Variants in KRR1 observed in about 807,000 individuals in gnomAD.
KRR1 encodes KRR1 small subunit processome component.
KRR1 carries 23 observed loss-of-function variants against 50.0 expected under a neutral mutation model. The observed-to-expected ratio is 0.46, with a 90% CI of 0.33 to 0.65. The LOEUF (loss-of-function observed/expected upper bound fraction) is 0.65. Among genes scored for constraint, KRR1 ranks in the 30% least tolerant of loss-of-function variants. The probability of loss-of-function intolerance (pLI) is 0.02; values close to 1 mark genes in which losing one functional copy is unlikely to be tolerated. For synonymous variants in KRR1, 133 were observed against 146.3 expected (o/e 0.91, Z 0.66); for missense variants, 419 against 442.4 (o/e 0.95, Z 0.47).
At position 75,499,956 on chromosome 12, in the gene KRR1, A is replaced by T; in HGVS notation, c.1004-5T>A. The T allele has an allele frequency of 6.3e-7, 1 of 1,589,174 alleles. No homozygotes were observed. Among genetic ancestry groups the T allele is most frequent in the Non-Finnish European group, 8.5e-7 (1 of 1,172,582 alleles). ...CAATTTTAGTTTCAGTAGAAGCTAGACAAATTAAAAGCACAACACATGTAA... is the reference window on the plus strand; with the variant it reads ...CAATTTTAGTTTCAGTAGAAGCTAGTCAAATTAAAAGCACAACACATGTAA... On this transcript the variant is annotated splice_region_variant and splice_polypyrimidine_tract_variant and intron_variant, in intron 9 of 9. Coordinates refer to ENST00000229214, the MANE Select transcript of KRR1 (RefSeq NM_007043.7).
At position 75,511,499 on chromosome 12, in the gene KRR1, C is replaced by T. The variant is rs2046448918; in HGVS notation, c.85+14G>A. ...GTACACAAACCCCAGGCTTCGGTTCCCACATAACATCACCTTGGTTCTCCG... is the reference window on the plus strand; with the variant it reads ...GTACACAAACCCCAGGCTTCGGTTCTCACATAACATCACCTTGGTTCTCCG... On this transcript the variant is annotated intron_variant, in intron 1 of 9. Transcript: ENST00000229214. 2.5e-6 allele frequency: 4 copies of T among 1,608,290 alleles called. No individual in the cohort carries two copies. Among genetic ancestry groups the T allele is most frequent in the Non-Finnish European group, 3.4e-6 (4 of 1,178,240 alleles).
chr12:75,504,151 G>A, intron 6 of KRR1, 77 bp from the exon 7 acceptor site: 4 of 995,922 alleles, frequency 4.0e-6, no homozygotes, highest in Non-Finnish European at 5.8e-6. Context: ...TATAAATATT[G>A]CTTCTATAAA....
At position 75,493,750 on chromosome 12, in the gene KRR1, A is replaced by T. The variant is rs2046335674; in HGVS notation, c.*6059T>A. The T allele has an allele frequency of 2.0e-5, 3 of 152,204 alleles. No homozygotes were observed. Among genetic ancestry groups the T allele is most frequent in the Admixed American group, 2.0e-4 (3 of 15,280 alleles). 9.4% of individuals were successfully genotyped at this position (152,204 alleles called of 1,614,324 possible). On this transcript the variant is annotated 3_prime_UTR_variant, in exon 10 of 10. Transcript: ENST00000229214. Reference sequence around the variant, plus strand: ...GTCCTGTTGCTTTATTGTGCTGAATACTTTAGGTCCCACAGTCTTAATGAC... The same window carrying T: ...GTCCTGTTGCTTTATTGTGCTGAATTCTTTAGGTCCCACAGTCTTAATGAC...
At position 75,506,389 on chromosome 12, in the gene KRR1, A is replaced by C; in HGVS notation, c.530T>G (p.Leu177Arg). The change falls in exon 5 of 10, where the codon CTC becomes CGC. Residue 177 changes from leucine (L) to arginine (R), a missense_variant. Transcript: ENST00000229214. Reference protein sequence around the residue: ...PKGSTLKALELLTNCYIMVQG... With the variant: ...PKGSTLKALERLTNCYIMVQG... ...AACCATAATGTAACAATTAGTTAAG[A>C]GTTCCAATGCCTGTATCAAGAGATC... 1.2e-6 allele frequency: 2 copies of C among 1,611,976 alleles called. No individual in the cohort carries two copies. Among genetic ancestry groups the C allele is most frequent in the Non-Finnish European group, 1.7e-6 (2 of 1,178,910 alleles).
chr12:75,511,442 A>G, intron 1 of KRR1, 71 bp downstream of exon 1: 1 of 1,340,178 alleles, frequency 7.5e-7, no homozygotes. Context: ...TAAGTCCACG[A>G]GGAACGAAAG....
intron 7 of KRR1, chr12:75,503,178 A>G (rs2279245): frequency 0.23 from 34,678 of 152,054 alleles, 4,068 homozygotes; most frequent in East Asian, 0.25. Flanking sequence ...GAGAAGAGGA[A>G]ACAGAAAGGG....
chr12:75,503,806 T>TATAC, intron 7 of KRR1, 98 bp downstream of exon 7: 1 of 1,058,506 alleles, frequency 9.4e-7, no homozygotes, highest in South Asian at 1.6e-5. Context: ...AATATATATA[T>TATAC]ATACACATAT....
In KRR1 at chr12:75,499,948, G is replaced by A. The variant is rs779398848; in HGVS notation, c.1007C>T (p.Ser336Phe). 6.3e-7 allele frequency: 1 copy of A among 1,594,652 alleles called. No individual in the cohort carries two copies. The highest frequency in any genetic ancestry group is 1.8e-5 in the Admixed American group (1 of 56,764). Residue 336 changes from serine to phenylalanine, a missense_variant, in exon 10 of 10, where the codon TCT becomes TTT. Transcript: ENST00000229214. The stretch of plus-strand genomic sequence containing the variant: ...GGCCACATCAATTTTAGTTTCAGTA[G>A]AAGCTAGACAAATTAAAAGCACAAC... ...EKPIVKPKEA[S>F]TETKIDVASI... is the part of the protein sequence containing the mutation.
At chr12:75,507,895 C>T (rs1294839033) in intron 2 of KRR1, among the ~76,000 whole-genome samples, 1 of 152,058 alleles carries the variant, frequency 6.6e-6, no homozygotes, top group Non-Finnish European at 1.5e-5. Flanking sequence ...GACACATCCA[C>T]ATCTTCCATT....
At chr12:75,502,103 C>CTGAT in intron 7 of KRR1, 103 bp from the exon 8 acceptor site, 1 of 865,054 alleles carries the variant, frequency 1.2e-6, no homozygotes, top group Non-Finnish European at 1.9e-6. Context: ...TGGGGTCAAA[C>CTGAT]TGATTTATTA....
intron 1 of KRR1, among the ~76,000 whole-genome samples, chr12:75,510,459 A>G (rs1213335207): frequency 2.0e-5 from 3 of 152,226 alleles, no homozygotes; most frequent in African/African-American, 7.2e-5. Flanking sequence ...GAAAAGACTA[A>G]AACTACACCC....
rs1216613042 is a variant in KRR1, at chr12:75,501,748, T to C, written c.978A>G (p.Glu326=). ...ERNKAFIPPK[E]KPIVKPKEAS... is the part of the protein sequence containing the mutation. ...CTTCCTTAGGTTTCACAATTGGTTT[T>C]TCCTTAGGTGGAATAAATGCTTTGT... Residue 326 remains glutamate, a synonymous_variant, in exon 9 of 10, where the codon GAA becomes GAG. Coordinates refer to ENST00000229214, the MANE Select transcript of KRR1 (RefSeq NM_007043.7). The C allele has an allele frequency of 5.0e-6, 8 of 1,610,436 alleles. No homozygotes were observed. The highest frequency in any genetic ancestry group is 5.9e-6 in the Non-Finnish European group (7 of 1,177,850).
Position 75,498,818 on chromosome 12 carries a change from T to A in KRR1, c.*991A>T, listed in dbSNP as rs2046369085. The A allele has an allele frequency of 6.2e-7, 1 of 1,612,246 alleles. No individual in the cohort carries two copies. The highest frequency in any genetic ancestry group is 1.3e-5 in the African/African-American group (1 of 74,990). ...TCTAAGAGGATATTCTATGTTTGTTTCACAGGTTACTACTCTGTTGTATAT... is the reference window on the plus strand; with the variant it reads ...TCTAAGAGGATATTCTATGTTTGTTACACAGGTTACTACTCTGTTGTATAT... On this transcript the variant is annotated 3_prime_UTR_variant, in exon 10 of 10. Coordinates refer to ENST00000229214, the MANE Select transcript of KRR1 (RefSeq NM_007043.7).
Position 75,504,511 on chromosome 12 carries a change from C to G in KRR1, c.661-437G>C, listed in dbSNP as rs560937543. Among the ~76,000 whole-genome samples, 3 of 152,180 alleles carry G rather than the reference C, an allele frequency of 2.0e-5. No homozygotes were observed. The South Asian group carries it at 6.2e-4, about 32-fold the overall frequency. On this transcript the variant is annotated intron_variant, in intron 6 of 9. Transcript: ENST00000229214. ...ACATTTCCCTATTCCATTTAAATTTCAGACCATGGAACATCAGAGGATGCA... is the reference window on the plus strand; with the variant it reads ...ACATTTCCCTATTCCATTTAAATTTGAGACCATGGAACATCAGAGGATGCA...
At chr12:75,502,984 G>A (rs1216060100) in intron 7 of KRR1, 1 of 151,954 alleles carries the variant, frequency 6.6e-6, no homozygotes, top group African/African-American at 2.4e-5. Flanking sequence ...TCCAACCATG[G>A]TTGTGGAAAA....
intron 7 of KRR1, chr12:75,503,443 G>A (rs1019443750): frequency 6.6e-6 from 1 of 152,228 alleles, no homozygotes; most frequent in African/African-American, 2.4e-5. Flanking sequence ...TGATGTGCAA[G>A]AACAAAATGG....
In KRR1 at chr12:75,497,423, C is replaced by T. The variant is rs542357911; in HGVS notation, c.*2386G>A. The T allele has an allele frequency of 9.2e-5, 14 of 152,286 alleles. No homozygotes were observed. The East Asian group carries it at 9.6e-4, about 10-fold the overall frequency. The allele number at this position is 152,286 out of a possible 1,614,324, so 9.4% of individuals were successfully genotyped here. ...TATTTATAAGATGTGAAACTCATTA[C>T]CCATTTACTTCAGATAAGTGCTCAA... On this transcript the variant is annotated 3_prime_UTR_variant, in exon 10 of 10. Transcript: ENST00000229214.
intron 1 of KRR1, among the ~76,000 whole-genome samples, chr12:75,508,953 C>T (rs1219483576): frequency 6.6e-6 from 1 of 152,128 alleles, no homozygotes; most frequent in Non-Finnish European, 1.5e-5. Flanking sequence ...TCTAGATTTT[C>T]CTAAGCATTT....
rs1175537017 is a variant in KRR1, at chr12:75,495,737, A to C, written c.*4072T>G. 1 of 881,290 alleles carries C rather than the reference A, an allele frequency of 1.1e-6. No homozygotes were observed. The highest frequency in any genetic ancestry group is 1.8e-6 in the Non-Finnish European group (1 of 545,712). 54.6% of individuals were successfully genotyped at this position (881,290 alleles called of 1,614,324 possible). On this transcript the variant is annotated 3_prime_UTR_variant, in exon 10 of 10. Coordinates refer to ENST00000229214, the MANE Select transcript of KRR1 (RefSeq NM_007043.7). ...AACTTTCTACAGAATTAACAATGAA[A>C]CCATGTTTTATCTTAACGGCTATCT... is the stretch of plus-strand genomic sequence containing the variant.
Sources: gnomAD v4.1 joint callset for allele counts (sites outside exome capture counted in the v4.1 genomes callset) on GRCh38, gnomAD v4.1.1 for gene constraint, MANE v1.5 for transcripts, NCBI Gene and HGNC (gene_info 2026-07-23, HGNC 2026-07-21) for gene names.